The following KCNB2 variants were observed in gnomAD, a reference collection of about 807,000 sequenced individuals.
KCNB2 encodes the protein delayed rectifier potassium channel protein.
A neutral mutation model predicts 61.5 loss-of-function variants in KCNB2; 15 were observed. The ratio of observed to expected loss-of-function variants is 0.24; its 90% CI spans 0.16 to 0.38. The LOEUF is 0.38. Ranked by LOEUF, KCNB2 falls within the 10% of genes least tolerant of loss-of-function variation. The pLI, the probability that KCNB2 is intolerant of heterozygous loss-of-function variation, is 1.00. For missense variants in KCNB2, 828 were observed against 1,125.2 expected (o/e 0.74, Z 3.78); for synonymous variants, 457 against 446.0 (o/e 1.02, Z -0.31).
chr8:72,846,346 C>G (rs1809993662), intron 2 of KCNB2, among the ~76,000 whole-genome samples: 1 of 152,114 alleles, frequency 6.6e-6, no homozygotes, highest in African/African-American at 2.4e-5. Context: ...AGGACATAGG[C>G]ATGGGCAAGG....
At chr8:72,835,711 A>G (rs1379516334) in intron 2 of KCNB2, among the ~76,000 whole-genome samples, 1 of 152,190 alleles carries the variant, frequency 6.6e-6, no homozygotes, top group Admixed American at 6.5e-5. Flanking sequence ...GATTAATGGG[A>G]TAGTATGGAG....
At chr8:72,726,764 ATT>A (rs1417695920) in intron 2 of KCNB2, among the ~76,000 whole-genome samples, 1 of 152,056 alleles carries the variant, frequency 6.6e-6, no homozygotes, top group East Asian at 1.9e-4. Context: ...CAATTAAGAG[ATT>A]TTTTTGTTGG....
intron 2 of KCNB2, among the ~76,000 whole-genome samples, chr8:72,769,647 T>G (rs1010748792): frequency 6.6e-6 from 1 of 152,060 alleles, no homozygotes; most frequent in Non-Finnish European, 1.5e-5. Context: ...GTAAAGTGTT[T>G]GGAGAAGAGA....
At chr8:72,891,167 T>C (rs1174682801) in intron 2 of KCNB2, among the ~76,000 whole-genome samples, 2 of 152,154 alleles carry the variant, frequency 1.3e-5, no homozygotes. Context: ...GTTAGAAAAA[T>C]ATTAATGGTT....
intron 2 of KCNB2, among the ~76,000 whole-genome samples, chr8:72,642,765 A>G (rs578242501): frequency 9.2e-5 from 14 of 152,296 alleles, no homozygotes; most frequent in Middle Eastern, 3.4e-3. Flanking sequence ...TGCTTCTGCA[A>G]TCTTCAGAGC....
chr8:72,781,391 G>A (rs1323311142), intron 2 of KCNB2, among the ~76,000 whole-genome samples: 2 of 152,050 alleles, frequency 1.3e-5, no homozygotes, highest in African/African-American at 4.8e-5. Context: ...TTATTTTTGT[G>A]TAAGGTATAA....
At chr8:72,634,059 G>A (rs905013054) in intron 2 of KCNB2, among the ~76,000 whole-genome samples, 1 of 152,144 alleles carries the variant, frequency 6.6e-6, no homozygotes, top group Admixed American at 6.5e-5. Flanking sequence ...TCACCTTGCT[G>A]TGCACTGTAA....
intron 2 of KCNB2, among the ~76,000 whole-genome samples, chr8:72,590,544 T>C (rs1448497200): frequency 1.3e-5 from 2 of 152,206 alleles, no homozygotes; most frequent in Non-Finnish European, 2.9e-5. Context: ...TGTATTTCTA[T>C]CAGAGCATAA....
chr8:72,565,662 A>ACACAAC (rs397762737), intron 1 of KCNB2, among the ~76,000 whole-genome samples: 55 of 147,960 alleles, frequency 3.7e-4, no homozygotes, highest in African/African-American at 1.4e-3. Flanking sequence ...ACACACACAC[A>ACACAAC]ACACACACAC....
At chr8:72,791,794 A>C (rs142843288) in intron 2 of KCNB2, among the ~76,000 whole-genome samples, 1 of 152,322 alleles carries the variant, frequency 6.6e-6, no homozygotes, top group East Asian at 1.9e-4. Flanking sequence ...CAGAGGCCCC[A>C]AAACTGATCC....
chr8:72,864,987 C>T (rs1403894390), intron 2 of KCNB2, among the ~76,000 whole-genome samples: 1 of 152,162 alleles, frequency 6.6e-6, no homozygotes, highest in Non-Finnish European at 1.5e-5. Flanking sequence ...CAACCTCCTG[C>T]TGGGCCTCAT....
At chr8:72,730,969 A>G (rs897727120) in intron 2 of KCNB2, among the ~76,000 whole-genome samples, 3 of 152,214 alleles carry the variant, frequency 2.0e-5, no homozygotes, top group African/African-American at 4.8e-5. Flanking sequence ...TTTCCTGACC[A>G]GGAAGCCATG....
intron 2 of KCNB2, among the ~76,000 whole-genome samples, chr8:72,748,954 T>C (rs1463465643): frequency 2.6e-5 from 4 of 152,046 alleles, no homozygotes; most frequent in Non-Finnish European, 4.4e-5. Flanking sequence ...CTTGAACTTA[T>C]TCCTCCCGTC....
intron 2 of KCNB2, among the ~76,000 whole-genome samples, chr8:72,626,294 G>A (rs1024017453): frequency 6.6e-6 from 1 of 152,178 alleles, no homozygotes; most frequent in Non-Finnish European, 1.5e-5. Flanking sequence ...AATTTGAACT[G>A]CCAGTCACTT....
At chr8:72,826,072 T>C (rs1358889864) in intron 2 of KCNB2, among the ~76,000 whole-genome samples, 1 of 152,252 alleles carries the variant, frequency 6.6e-6, no homozygotes, top group Non-Finnish European at 1.5e-5. Context: ...TCTTTATAAA[T>C]GGTATAACGT....
intron 2 of KCNB2, among the ~76,000 whole-genome samples, chr8:72,606,462 C>T (rs16938254): frequency 0.02 from 3,041 of 152,188 alleles, 56 homozygotes; most frequent in South Asian, 0.079. Flanking sequence ...CTCTGCATGG[C>T]AGGATAATGG....
chr8:72,597,411 GT>G (rs1807217454), intron 2 of KCNB2, among the ~76,000 whole-genome samples: 1 of 152,188 alleles, frequency 6.6e-6, no homozygotes, highest in African/African-American at 2.4e-5. Flanking sequence ...ACAGCTTTTG[GT>G]TTTGTGTTGT....
At chr8:72,570,374 T>C (rs1476863776) in intron 2 of KCNB2, among the ~76,000 whole-genome samples, 1 of 152,190 alleles carries the variant, frequency 6.6e-6, no homozygotes, top group African/African-American at 2.4e-5. Context: ...ACAGGATTTA[T>C]GTTTATTTAT....
rs116258784 is a variant in KCNB2, at chr8:72,919,937, C to T, written c.580-15998C>T. 6.6e-3 allele frequency among the ~76,000 whole-genome samples: 1,000 copies of T among 152,154 alleles called. 12 individuals are homozygous for T. The highest frequency in any genetic ancestry group is 0.023 in the African/African-American group (955 of 41,512). ...GTTAGCCACTATTTAAAAGCACTTA[C>T]GAGGTACTAGATATATTTAAGCTCT... On this transcript the variant is annotated intron_variant, in intron 2 of 2. Transcript: ENST00000523207.
Sources: gnomAD v4.1 joint callset for allele counts (sites outside exome capture counted in the v4.1 genomes callset) on GRCh38, gnomAD v4.1.1 for gene constraint, MANE v1.5 for transcripts, NCBI Gene and HGNC (gene_info 2026-07-23, HGNC 2026-07-21) for gene names.